The following DSCAM variants were observed in gnomAD, a reference collection of about 807,000 sequenced individuals.
The protein encoded by DSCAM is DS cell adhesion molecule.
In DSCAM, 47 loss-of-function variants were observed where a neutral mutation model predicts 217.7. The observed-to-expected ratio is 0.22, with a 90% confidence interval of 0.17 to 0.28. DSCAM has a LOEUF of 0.28. Ranked by LOEUF, DSCAM falls within the 10% of genes least tolerant of loss-of-function variation. DSCAM has a pLI of 1.00. For synonymous variants in DSCAM, 1,056 were observed against 1,015.3 expected (o/e 1.04, Z -0.76); for missense variants, 2,080 against 2,618.3 (o/e 0.79, Z 4.49).
chr21:40,779,032 G>GAA (rs772208075), intron 1 of DSCAM, among the ~76,000 whole-genome samples: 30 of 45,548 alleles, frequency 6.6e-4, no homozygotes, highest in South Asian at 2.5e-3. Flanking sequence ...CTCAAAAACA[G>GAA]AAAAAAAAAA....
chr21:40,113,371 G>C (rs997302151), intron 20 of DSCAM, among the ~76,000 whole-genome samples: 2 of 152,076 alleles, frequency 1.3e-5, no homozygotes, highest in African/African-American at 4.8e-5. Context: ...AACCCTTCAT[G>C]CTAAAAACTC....
chr21:40,179,636 T>C (rs1227414276), intron 14 of DSCAM, among the ~76,000 whole-genome samples: 1 of 152,214 alleles, frequency 6.6e-6, no homozygotes, highest in Admixed American at 6.5e-5. Flanking sequence ...CAATCTCAAG[T>C]TCCAGAATAA....
intron 3 of DSCAM, among the ~76,000 whole-genome samples, chr21:40,397,388 CT>C (rs1021903954): frequency 6.6e-6 from 1 of 151,968 alleles, no homozygotes; most frequent in Non-Finnish European, 1.5e-5. Context: ...TGGCAACTCC[CT>C]CTCACTCTCT....
intron 1 of DSCAM, among the ~76,000 whole-genome samples, chr21:40,768,053 C>A (rs780910230): frequency 1.3e-5 from 2 of 152,182 alleles, no homozygotes; most frequent in Non-Finnish European, 2.9e-5. Context: ...ACTTATAAAA[C>A]ACTCTAAAGT....
intron 3 of DSCAM, among the ~76,000 whole-genome samples, chr21:40,506,611 T>C (rs1251668484): frequency 9.2e-5 from 14 of 152,132 alleles, no homozygotes; most frequent in Admixed American, 7.9e-4. Flanking sequence ...AGTTTGTATA[T>C]ATGGCCAAAG....
At chr21:40,735,238 C>A (rs1373904979) in intron 1 of DSCAM, among the ~76,000 whole-genome samples, 2 of 152,196 alleles carry the variant, frequency 1.3e-5, no homozygotes, top group Non-Finnish European at 2.9e-5. Flanking sequence ...TAGTACGGCA[C>A]TGATACAAGC....
At chr21:40,739,087 T>A (rs1009371838) in intron 1 of DSCAM, among the ~76,000 whole-genome samples, 1 of 152,230 alleles carries the variant, frequency 6.6e-6, no homozygotes, top group Non-Finnish European at 1.5e-5. Context: ...TCTCCAGATT[T>A]TAATGTGGTA....
At chr21:40,662,349 TC>T (rs963679857) in intron 3 of DSCAM, among the ~76,000 whole-genome samples, 1 of 152,198 alleles carries the variant, frequency 6.6e-6, no homozygotes, top group African/African-American at 2.4e-5. Context: ...TAATATGTGC[TC>T]TTGCTTAAAC....
intron 19 of DSCAM, among the ~76,000 whole-genome samples, chr21:40,132,499 A>G (rs1414662168): frequency 6.6e-6 from 1 of 152,356 alleles, no homozygotes; most frequent in East Asian, 1.9e-4. Context: ...AAATAATCCA[A>G]TTTCTTAGAG....
At chr21:40,405,770 G>A (rs989969972) in intron 3 of DSCAM, among the ~76,000 whole-genome samples, 2 of 152,198 alleles carry the variant, frequency 1.3e-5, no homozygotes, top group African/African-American at 4.8e-5. Flanking sequence ...GCCAAGGCAG[G>A]TGGATCACTT....
At chr21:40,445,391 C>T (rs1037304829) in intron 3 of DSCAM, among the ~76,000 whole-genome samples, 2 of 152,142 alleles carry the variant, frequency 1.3e-5, no homozygotes, top group Non-Finnish European at 1.5e-5. Flanking sequence ...TTAAGTGAGT[C>T]GTCTCTTTAA....
intron 10 of DSCAM, among the ~76,000 whole-genome samples, chr21:40,294,961 A>T (rs1042530612): frequency 2.6e-5 from 4 of 152,190 alleles, no homozygotes; most frequent in African/African-American, 9.7e-5. Context: ...AGTGTCTAGC[A>T]ACCTTCCCCA....
chr21:40,245,306 T>C (rs1487263802), intron 11 of DSCAM, among the ~76,000 whole-genome samples: 6 of 152,146 alleles, frequency 3.9e-5, no homozygotes, highest in Non-Finnish European at 7.4e-5. Context: ...TGGGAGGACC[T>C]CTTTAGGACA....
intron 11 of DSCAM, among the ~76,000 whole-genome samples, chr21:40,246,841 T>C (rs964202238): frequency 4.6e-5 from 7 of 152,202 alleles, no homozygotes; most frequent in Non-Finnish European, 7.3e-5. Context: ...ATATGTGGCC[T>C]TGGGTCAATC....
intron 32 of DSCAM, among the ~76,000 whole-genome samples, chr21:40,027,166 G>T (rs1225215687): frequency 2.0e-5 from 3 of 152,086 alleles, no homozygotes; most frequent in Admixed American, 2.0e-4. Flanking sequence ...GAAATTCTGG[G>T]TTGAAAATTC....
intron 3 of DSCAM, among the ~76,000 whole-genome samples, chr21:40,574,986 T>C (rs893012536): frequency 1.3e-5 from 2 of 151,756 alleles, no homozygotes; most frequent in African/African-American, 4.8e-5. Flanking sequence ...GAGCCCAAGC[T>C]AAGCCATCGC....
chr21:40,580,817 A>G (rs1157707600), intron 3 of DSCAM, among the ~76,000 whole-genome samples: 3 of 152,226 alleles, frequency 2.0e-5, no homozygotes, highest in African/African-American at 7.2e-5. Flanking sequence ...AAGAAAAACA[A>G]TAACAGATTT....
At chr21:40,782,647 T>G (rs536877700) in intron 1 of DSCAM, among the ~76,000 whole-genome samples, 16 of 152,002 alleles carry the variant, frequency 1.1e-4, no homozygotes, top group African/African-American at 3.6e-4. Context: ...GAAGGATCAT[T>G]TGAGTACAGG....
At chr21:40,406,830 G>A (rs1601618622) in intron 3 of DSCAM, among the ~76,000 whole-genome samples, 1 of 152,236 alleles carries the variant, frequency 6.6e-6, no homozygotes, top group East Asian at 1.9e-4. Context: ...TGTTGGCCAG[G>A]CTGGTCTGGA....
Sources: allele counts gnomAD v4.1 joint callset (sites outside exome capture counted in the v4.1 genomes callset), GRCh38; gene constraint gnomAD v4.1.1; transcripts MANE v1.5; gene names NCBI Gene and HGNC (gene_info 2026-07-23, HGNC 2026-07-21).